The following PRIM2 variants were observed in gnomAD, a reference collection of about 807,000 sequenced individuals.
PRIM2 encodes DNA primase large subunit.
In PRIM2, 39 loss-of-function variants were observed where a neutral mutation model predicts 67.3. That is an observed-to-expected ratio of 0.58 (90% confidence interval 0.45 to 0.76). The LOEUF (loss-of-function observed/expected upper bound fraction) is 0.76. Ranked by LOEUF, PRIM2 falls within the 30% of genes least tolerant of loss-of-function variation. The pLI, the probability that PRIM2 is intolerant of heterozygous loss-of-function variation, is 0.00. For missense variants in PRIM2, 398 were observed against 598.7 expected (o/e 0.66, Z 3.50); for synonymous variants, 143 against 198.7 (o/e 0.72, Z 2.36).
At chr6:57,418,434 G>A (rs1389580272) in intron 7 of PRIM2, among the ~76,000 whole-genome samples, 1 of 92,906 alleles carries the variant, frequency 1.1e-5, no homozygotes, top group South Asian at 4.0e-4. Flanking sequence ...TTCTCACTCT[G>A]TTGCCAGGCT....
At chr6:57,454,576 G>A (rs1458707484) in intron 7 of PRIM2, among the ~76,000 whole-genome samples, 2 of 152,186 alleles carry the variant, frequency 1.3e-5, no homozygotes, top group East Asian at 3.9e-4. Flanking sequence ...TTGAGTAGAG[G>A]TGATTATAGT....
chr6:57,307,106 G>GGGAAGCT, the PRIM2 span, among the ~76,000 whole-genome samples: 1 of 151,886 alleles, frequency 6.6e-6, no homozygotes, highest in Non-Finnish European at 1.5e-5. Flanking sequence ...AGCTGAGGCA[G>GGGAAGCT]GAGAATCACT....
intron 7 of PRIM2, among the ~76,000 whole-genome samples, chr6:57,459,186 C>T (rs1238188485): frequency 6.6e-6 from 1 of 152,142 alleles, no homozygotes; most frequent in Non-Finnish European, 1.5e-5. Flanking sequence ...TTAATAATGC[C>T]TATCTCACAG....
intron 8 of PRIM2, among the ~76,000 whole-genome samples, chr6:57,521,572 A>C (rs1554348933): frequency 6.6e-6 from 1 of 152,032 alleles, no homozygotes; most frequent in Non-Finnish European, 1.5e-5. Context: ...AGGAGATTAC[A>C]GTTCATTTTG....
intron 12 of PRIM2, among the ~76,000 whole-genome samples, chr6:57,622,772 CCT>C (rs1159075374): frequency 6.6e-6 from 1 of 151,996 alleles, no homozygotes; most frequent in Non-Finnish European, 1.5e-5. Context: ...GGTTGGTTAA[CCT>C]CTGTTTTTCA....
At chr6:57,458,849 A>G (rs1338911483) in intron 7 of PRIM2, among the ~76,000 whole-genome samples, 2 of 152,186 alleles carry the variant, frequency 1.3e-5, no homozygotes, top group African/African-American at 4.8e-5. Flanking sequence ...TATGGGAGGA[A>G]TTATGTATTT....
chr6:57,523,043 T>G (rs1281148342), intron 8 of PRIM2, among the ~76,000 whole-genome samples: 2 of 152,216 alleles, frequency 1.3e-5, no homozygotes, highest in Non-Finnish European at 2.9e-5. Flanking sequence ...GGAAGGAAAT[T>G]ATTTTTTCTA....
At chr6:57,566,033 C>T (rs1319909076) in intron 10 of PRIM2, among the ~76,000 whole-genome samples, 3 of 151,918 alleles carry the variant, frequency 2.0e-5, no homozygotes, top group African/African-American at 7.3e-5. Flanking sequence ...CCTTACCTCT[C>T]CTTTTCTCTC....
intron 8 of PRIM2, among the ~76,000 whole-genome samples, chr6:57,524,635 A>T (rs1457146690): frequency 1.3e-5 from 2 of 152,180 alleles, no homozygotes; most frequent in Non-Finnish European, 2.9e-5. Flanking sequence ...GGGGAGGCAG[A>T]GGTTGCGGTG....
chr6:57,460,713 A>G (rs1194832742), intron 7 of PRIM2, among the ~76,000 whole-genome samples: 1 of 151,708 alleles, frequency 6.6e-6, no homozygotes, highest in East Asian at 1.9e-4. Context: ...CAAAAGTAAT[A>G]TCATTAATTT....
intron 12 of PRIM2, among the ~76,000 whole-genome samples, chr6:57,625,013 TACTC>T (rs1302065460): frequency 7.2e-4 from 109 of 152,274 alleles, no homozygotes; most frequent in African/African-American, 2.5e-3. Context: ...TCGTGAGACT[TACTC>T]ACTACCATGC....
intron 5 of PRIM2, among the ~76,000 whole-genome samples, chr6:57,333,477 C>T (rs556823518): frequency 2.5e-4 from 38 of 152,208 alleles, no homozygotes; most frequent in African/African-American, 8.7e-4. Flanking sequence ...ACTTTCATGG[C>T]GATGTCTGCA....
At chr6:57,256,562 G>A in the PRIM2 span, among the ~76,000 whole-genome samples, 9 of 151,888 alleles carry the variant, frequency 5.9e-5, no homozygotes, top group South Asian at 2.1e-4. Flanking sequence ...ATTGGATTGC[G>A]TTATCTTTTC....
chr6:57,552,783 C>CA (rs1342407338), intron 10 of PRIM2, among the ~76,000 whole-genome samples: 1 of 151,736 alleles, frequency 6.6e-6, no homozygotes, highest in African/African-American at 2.4e-5. Flanking sequence ...ATGTAAGCCT[C>CA]AAAAAAACAA....
At chr6:57,427,033 G>T (rs1270293956) in intron 7 of PRIM2, among the ~76,000 whole-genome samples, 1 of 152,178 alleles carries the variant, frequency 6.6e-6, no homozygotes, top group African/African-American at 2.4e-5. Flanking sequence ...TTTTCGGCTT[G>T]TGTGAAAATG....
the PRIM2 span, among the ~76,000 whole-genome samples, chr6:57,302,258 T>C: frequency 6.6e-6 from 1 of 152,218 alleles, no homozygotes; most frequent in African/African-American, 2.4e-5. Context: ...TGAAAAAATA[T>C]ATAAAAGTTT....
chr6:57,325,004 T>C (rs1478095937), intron 4 of PRIM2, among the ~76,000 whole-genome samples: 2 of 152,284 alleles, frequency 1.3e-5, no homozygotes, highest in East Asian at 1.9e-4. Context: ...CTCCTAAAAA[T>C]GTGAAATCAT....
chr6:57,539,109 A>C (rs1775080046), intron 10 of PRIM2, among the ~76,000 whole-genome samples: 1 of 152,204 alleles, frequency 6.6e-6, no homozygotes, highest in African/African-American at 2.4e-5. Flanking sequence ...ACAATTATCC[A>C]TAGAATCTTA....
chr6:57,365,318 A>G (rs1210233086), intron 5 of PRIM2, among the ~76,000 whole-genome samples: 1 of 150,986 alleles, frequency 6.6e-6, no homozygotes, highest in South Asian at 2.1e-4. Context: ...TCTTAATTGC[A>G]TGTTTTCCCT....
Sources: gnomAD v4.1 joint callset for allele counts (sites outside exome capture counted in the v4.1 genomes callset) on GRCh38, gnomAD v4.1.1 for gene constraint, MANE v1.5 for transcripts, NCBI Gene and HGNC (gene_info 2026-07-23, HGNC 2026-07-21) for gene names.